Variants in SPEF2 observed in about 807,000 individuals in gnomAD.
SPEF2 encodes the protein sperm flagella and cilia-associated protein 2.
Under a neutral mutation model 224.6 loss-of-function variants are expected in SPEF2, and 187 were observed. The ratio of observed to expected loss-of-function variants is 0.83; its 90% CI spans 0.74 to 0.94. The LOEUF (loss-of-function observed/expected upper bound fraction) is 0.94. Among genes scored for constraint, SPEF2 ranks in the 40% least tolerant of loss-of-function variants. The pLI, the probability that SPEF2 is intolerant of heterozygous loss-of-function variation, is 0.00. For missense variants in SPEF2, 2,170 were observed against 2,135.6 expected, an observed-to-expected ratio of 1.02 and a Z score of -0.32; for synonymous variants, 715 against 707.3, an observed-to-expected ratio of 1.01 and a Z score of -0.17.
intron 26 of SPEF2, chr5:35,764,610 A>G (rs758097265): frequency 2.2e-6 from 1 of 456,218 alleles, no homozygotes; most frequent in Non-Finnish European, 4.4e-6. Context: ...TCCATGAAAT[A>G]TCGCATTCAA....
intron 18 of SPEF2, among the ~76,000 whole-genome samples, chr5:35,707,504 A>G (rs1261418760): frequency 6.6e-6 from 1 of 152,202 alleles, no homozygotes. Context: ...TGAATTGAAA[A>G]GAGTAATCTA....
At chr5:35,694,061 A>G (rs940502261) in intron 12 of SPEF2, among the ~76,000 whole-genome samples, 4 of 152,228 alleles carry the variant, frequency 2.6e-5, no homozygotes, top group Non-Finnish European at 5.9e-5. Context: ...GACAGATTAC[A>G]TCACAGGTTG....
At chr5:35,753,507 G>T in intron 23 of SPEF2, 117 bp from the exon 24 acceptor site, 2 of 1,341,262 alleles carry the variant, frequency 1.5e-6, no homozygotes, top group Non-Finnish European at 1.0e-6. Context: ...AGTGCAATTG[G>T]TGTAAAATTT....
rs769441753 is a variant in SPEF2 at position 35,694,326 on chromosome 5, T to A, written c.1938T>A (p.Asp646Glu). The A allele has an allele frequency of 6.2e-7, 1 of 1,613,612 alleles. No homozygotes were observed. Among genetic ancestry groups the A allele is most frequent in the Admixed American group, 1.7e-5 (1 of 60,004 alleles). ...TATTTTCAGCTGGTCCAGTTTCAGA[T>A]GAAGTATTACCAGAAACAGAAGGTG... The part of the protein sequence containing the change: ...QHVFSAGPVS[D>E]EVLPETEGET... The change falls in exon 13 of 37, where the codon GAT (aspartate) becomes GAA (glutamate). Residue 646 changes from aspartate to glutamate, a missense_variant. Asp to Glu is a conservative substitution (Grantham distance 45). Coordinates refer to ENST00000356031, the MANE Select transcript of SPEF2 (RefSeq NM_024867.4).
intron 24 of SPEF2, 36 bp downstream of exon 24, chr5:35,753,797 C>A (rs1750042499): frequency 1.2e-6 from 2 of 1,612,146 alleles, no homozygotes; most frequent in Non-Finnish European, 1.7e-6. Context: ...CAGGCACTTC[C>A]CTTCACAGCC....
intron 2 of SPEF2, among the ~76,000 whole-genome samples, chr5:35,631,109 G>A (rs972438475): frequency 1.3e-5 from 2 of 152,198 alleles, no homozygotes; most frequent in African/African-American, 4.8e-5. Flanking sequence ...CCACATGGAT[G>A]GGGAGGCCTC....
chr5:35,763,331 A>C (rs1419469846), intron 25 of SPEF2, among the ~76,000 whole-genome samples, 191 bp from the exon 26 acceptor site: 1 of 152,192 alleles, frequency 6.6e-6, no homozygotes, highest in African/African-American at 2.4e-5. Context: ...TCTTATTAAC[A>C]AGATGTTCTA....
intron 19 of SPEF2, 47 bp downstream of exon 19, chr5:35,709,168 T>A: frequency 6.3e-7 from 1 of 1,594,842 alleles, no homozygotes; most frequent in Non-Finnish European, 8.5e-7. Flanking sequence ...TTCTTATTTT[T>A]ACTCAGTAAA....
At chr5:35,658,980 G>A (rs1163318944) in intron 7 of SPEF2, 39 bp from the exon 8 acceptor site, 1 of 1,454,984 alleles carries the variant, frequency 6.9e-7, no homozygotes, top group Non-Finnish European at 9.2e-7. Flanking sequence ...CGGGAAATTT[G>A]GACGTCACTT....
At chr5:35,709,658 GA>G (rs1561238950) in intron 19 of SPEF2, 7 of 50,288 alleles carry the variant, frequency 1.4e-4, no homozygotes, top group African/African-American at 1.1e-3. Flanking sequence ...TATGGACACA[GA>G]GATAAAGAGC....
At chr5:35,804,350 G>A (rs1474903826) in intron 34 of SPEF2, among the ~76,000 whole-genome samples, 4 of 152,190 alleles carry the variant, frequency 2.6e-5, no homozygotes, top group African/African-American at 9.7e-5. Flanking sequence ...AGATAATAAT[G>A]TGACTTTTGT....
chr5:35,794,135 G>A (rs1756337250), intron 32 of SPEF2, among the ~76,000 whole-genome samples: 1 of 152,202 alleles, frequency 6.6e-6, no homozygotes, highest in African/African-American at 2.4e-5. Flanking sequence ...GACAAGAAAA[G>A]TCAACTGATT....
chr5:35,684,000 C>A (rs184468897), intron 10 of SPEF2: 1 of 152,048 alleles, frequency 6.6e-6, no homozygotes, highest in Non-Finnish European at 1.5e-5. Context: ...CCACTCTGAG[C>A]GTCAGAGTCT....
At chr5:35,797,317 G>GGTGTGTCTGT (rs369368858) in intron 33 of SPEF2, among the ~76,000 whole-genome samples, 12,651 of 142,018 alleles carry the variant, frequency 0.089, 689 homozygotes, top group Admixed American at 0.12. Flanking sequence ...ATGGCTGACG[G>GGTGTGTCTGT]GTGTGTGTGT....
chr5:35,620,855 G>C (rs183021759), intron 1 of SPEF2, among the ~76,000 whole-genome samples: 44 of 152,300 alleles, frequency 2.9e-4, no homozygotes, highest in African/African-American at 1.1e-3. Flanking sequence ...ACATTTATAT[G>C]AGCATGAAGA....
intron 26 of SPEF2, chr5:35,764,542 G>A (rs551246727): frequency 4.4e-6 from 2 of 456,040 alleles, no homozygotes; most frequent in East Asian, 7.0e-5. Context: ...CATCTGCCAG[G>A]TCCTGGGTCT....
chr5:35,638,815 G>T (rs772898243), intron 2 of SPEF2, among the ~76,000 whole-genome samples: 112 of 152,100 alleles, frequency 7.4e-4, no homozygotes, highest in Non-Finnish European at 1.3e-3. Context: ...TCCAAGCATT[G>T]TCCTGGTCCA....
chr5:35,806,163 G>A (rs1758021295), intron 34 of SPEF2, among the ~76,000 whole-genome samples: 1 of 152,160 alleles, frequency 6.6e-6, no homozygotes, highest in African/African-American at 2.4e-5. Context: ...GAGTGCCTGA[G>A]TTCATGGCTT....
intron 30 of SPEF2, chr5:35,787,859 T>A: frequency 3.6e-6 from 2 of 558,640 alleles, no homozygotes; most frequent in African/African-American, 3.7e-5. Context: ...GTGGAGTTAT[T>A]TTAAAGGCAG....
Sources: allele counts gnomAD v4.1 joint callset (sites outside exome capture counted in the v4.1 genomes callset), GRCh38; gene constraint gnomAD v4.1.1; transcripts MANE v1.5; gene names NCBI Gene and HGNC (gene_info 2026-07-23, HGNC 2026-07-21).